The following WNT5A variants were observed in gnomAD, a reference collection of about 807,000 sequenced individuals.
WNT5A encodes Wnt family member 5A.
WNT5A carries 9 observed loss-of-function variants against 42.1 expected under a neutral mutation model. That is an observed-to-expected ratio of 0.21 (90% CI 0.13 to 0.37). The LOEUF (loss-of-function observed/expected upper bound fraction) is 0.37, where lower values mean the gene tolerates loss of function less well. WNT5A is among the 10% of genes least tolerant of loss of function. The pLI, the probability that WNT5A is intolerant of heterozygous loss-of-function variation, is 1.00. For missense variants in WNT5A, 426 were observed against 534.0 expected, an observed-to-expected ratio of 0.80 and a Z score of 1.99; for synonymous variants, 210 against 210.0, an observed-to-expected ratio of 1.00 and a Z score of 0.00.
upstream of WNT5A, among the ~76,000 whole-genome samples, chr3:55,493,041 C>T (rs2051679133): frequency 6.6e-6 from 1 of 152,198 alleles, no homozygotes; most frequent in South Asian, 2.1e-4. Context: ...GCTTTGACGT[C>T]TCTGCTTTTG....
In WNT5A at chr3:55,479,170, TATA is replaced by T. The variant is rs2051409256; in HGVS notation, c.391+141_391+143del. On this transcript the variant is annotated intron_variant, in intron 3 of 4. Coordinates refer to ENST00000264634, the MANE Select transcript of WNT5A (RefSeq NM_003392.7). ...AGGGACAGGAATTAACATCATTTGC[TATA>T]ATGACAAAAATGCCCAAGCCACCAC... 22 of 840,298 alleles carry T rather than the reference TATA, an allele frequency of 2.6e-5. No homozygotes were observed. The East Asian group carries it at 6.2e-4, about 24-fold the overall frequency. 52.1% of individuals were successfully genotyped at this position (840,298 alleles called of 1,614,324 possible). A position where few individuals can be genotyped will look rare whatever the true frequency, so the allele number is the denominator to read the frequency against.
intron 3 of WNT5A, 100 bp downstream of exon 3, chr3:55,479,214 T>C: frequency 7.5e-7 from 1 of 1,324,568 alleles, no homozygotes; most frequent in East Asian, 2.6e-5. Context: ...CTGGAAGGCA[T>C]CCTCCTTCAT....
rs754080980 is a variant in WNT5A at position 55,470,179 on chromosome 3, C to T, written c.1056G>A (p.Thr352=). ...RGYDQFKTVQ[T]ERCHCKFHWC... is the part of the protein sequence containing the mutation. ...AGTGGAACTTGCAGTGGCAGCGCTC[C>T]GTCTGCACGGTCTTGAACTGGTCGT... The change falls in exon 5 of 5, where the codon ACG becomes ACA. Residue 352 remains threonine, a synonymous_variant. Transcript: ENST00000264634. 20 of 1,614,040 alleles carry T rather than the reference C, an allele frequency of 1.2e-5. No homozygotes were observed. In the South Asian group the frequency reaches 2.0e-4, roughly 16 times the overall value.
At chr3:55,489,962 G>C (rs908968242), upstream of WNT5A, 1 of 152,394 alleles carries the variant, frequency 6.6e-6, no homozygotes, top group Admixed American at 6.5e-5. Flanking sequence ...CCCTGGCTGC[G>C]GGAGAGCATG....
intron 3 of WNT5A, among the ~76,000 whole-genome samples, chr3:55,475,600 C>T (rs906233010): frequency 3.3e-5 from 5 of 152,130 alleles, no homozygotes; most frequent in African/African-American, 1.2e-4. Flanking sequence ...GCCTGTTGTT[C>T]TTCAATGCCA....
chr3:55,469,976 G>C lies in WNT5A; in HGVS notation c.*116C>G. 8.1e-7 allele frequency: 1 copy of C among 1,240,538 alleles called. No homozygotes were observed. The highest frequency in any genetic ancestry group is 1.1e-6 in the Non-Finnish European group (1 of 873,198). The allele number at this position is 1,240,538 out of a possible 1,614,324, so 76.8% of individuals were successfully genotyped here. A position where few individuals can be genotyped will look rare whatever the true frequency, so the allele number is the denominator to read the frequency against. On this transcript the variant is annotated 3_prime_UTR_variant, in exon 5 of 5. Transcript: ENST00000264634. ...TGGTAACAGGAAAAAAAATGGTTCCGGTTGCAATTCTTGGGGAAAAATAAA... is the reference window on the plus strand; with the variant it reads ...TGGTAACAGGAAAAAAAATGGTTCCCGTTGCAATTCTTGGGGAAAAATAAA...
chr3:55,482,908 C>T (rs1258519059), intron 1 of WNT5A, among the ~76,000 whole-genome samples: 1 of 152,218 alleles, frequency 6.6e-6, no homozygotes, highest in African/African-American at 2.4e-5. Context: ...CATTCACACT[C>T]GTGCACATTT....
intron 3 of WNT5A, 58 bp downstream of exon 3, chr3:55,479,256 G>T: frequency 7.0e-7 from 1 of 1,437,436 alleles, no homozygotes; most frequent in South Asian, 1.6e-5. Context: ...AAATGCTAAG[G>T]ATTTCTTCTA....
the WNT5A span, among the ~76,000 whole-genome samples, chr3:55,496,628 G>A: frequency 3.9e-5 from 6 of 152,272 alleles, no homozygotes; most frequent in East Asian, 1.2e-3. Flanking sequence ...TCCCCCTGTG[G>A]CCCTCAGTCC....
chr3:55,487,451 G>A (rs1044160731), upstream of WNT5A: 10 of 159,116 alleles, frequency 6.3e-5, no homozygotes, highest in Non-Finnish European at 1.4e-4. Flanking sequence ...TGAAAAAAAT[G>A]TACCACTACT....
chr3:55,497,207 A>G, the WNT5A span, among the ~76,000 whole-genome samples: 2 of 152,258 alleles, frequency 1.3e-5, no homozygotes, highest in East Asian at 1.9e-4. Flanking sequence ...GTTTGTAAAC[A>G]TATCCTGGAT....
chr3:55,471,532 G>C (rs1019663917), intron 4 of WNT5A, among the ~76,000 whole-genome samples: 33 of 152,272 alleles, frequency 2.2e-4, no homozygotes, highest in African/African-American at 7.7e-4. Flanking sequence ...AATTAGGGGA[G>C]ATGTGGAAAG....
At chr3:55,480,426 T>G (rs2051436002) in intron 2 of WNT5A, among the ~76,000 whole-genome samples, 1 of 152,218 alleles carries the variant, frequency 6.6e-6, no homozygotes. Flanking sequence ...AAACTCACTT[T>G]TACTACCTAG....
the WNT5A span, among the ~76,000 whole-genome samples, chr3:55,498,981 T>A: frequency 6.6e-6 from 1 of 152,232 alleles, no homozygotes; most frequent in African/African-American, 2.4e-5. Context: ...GTTAGAGCCC[T>A]CGGGTCCAAT....
chr3:55,498,095 A>G, the WNT5A span, among the ~76,000 whole-genome samples: 1 of 152,168 alleles, frequency 6.6e-6, no homozygotes, highest in South Asian at 2.1e-4. Context: ...GCTTCTTTCT[A>G]CTTGTTTTGT....
In WNT5A at chr3:55,486,991, G is replaced by T. The variant is rs372156419; in HGVS notation, c.-6C>A. 89 of 1,611,330 alleles carry T rather than the reference G, an allele frequency of 5.5e-5. No individual in the cohort carries two copies. The highest frequency in any genetic ancestry group is 7.5e-5 in the Non-Finnish European group (88 of 1,178,596). ...CACTGAACACCTACCTTCATGGCGA[G>T]GGGGAGGGGGCGCGGGGAGGAAGTC... On this transcript the variant is annotated 5_prime_UTR_variant, in exon 1 of 5. Coordinates refer to ENST00000264634, the MANE Select transcript of WNT5A (RefSeq NM_003392.7).
chr3:55,484,212 C>G (rs1228557831), intron 1 of WNT5A, among the ~76,000 whole-genome samples: 1 of 152,184 alleles, frequency 6.6e-6, no homozygotes, highest in Non-Finnish European at 1.5e-5. Flanking sequence ...AAGCTGTTTT[C>G]CCCACTCTGA....
In WNT5A at chr3:55,466,478, G is replaced by A. The variant is rs1323699519; in HGVS notation, c.*3614C>T. 1 of 152,168 alleles carries A rather than the reference G, an allele frequency of 6.6e-6. No homozygotes were observed. Among genetic ancestry groups the A allele is most frequent in the Non-Finnish European group, 1.5e-5 (1 of 68,014 alleles). The allele number at this position is 152,168 out of a possible 1,614,324, so 9.4% of individuals were successfully genotyped here. A position where few individuals can be genotyped will look rare whatever the true frequency, so the allele number is the denominator to read the frequency against. On this transcript the variant is annotated 3_prime_UTR_variant, in exon 5 of 5. Transcript: ENST00000264634. ...ATTGAAACTTGGTATTGGCAAAATT[G>A]TACGAGAAAAGAGCTAGGGTAGGCA...
intron 4 of WNT5A, among the ~76,000 whole-genome samples, chr3:55,471,842 TG>T (rs2051258160): frequency 6.6e-6 from 1 of 152,206 alleles, no homozygotes; most frequent in African/African-American, 2.4e-5. Context: ...ACCTGGAAGC[TG>T]GGGGTGCATC....
Sources: gnomAD v4.1 joint callset for allele counts (sites outside exome capture counted in the v4.1 genomes callset) on GRCh38, gnomAD v4.1.1 for gene constraint, MANE v1.5 for transcripts, NCBI Gene and HGNC (gene_info 2026-07-23, HGNC 2026-07-21) for gene names.